Variants in WNT11 observed in about 807,000 individuals in gnomAD.
WNT11 encodes the protein Wnt family member 11.
WNT11 carries 20 observed loss-of-function variants against 35.6 expected under a neutral mutation model. The observed-to-expected ratio is 0.56, with a 90% CI of 0.40 to 0.82. WNT11 has a LOEUF of 0.82. Ranked by LOEUF, WNT11 falls within the 40% of genes least tolerant of loss-of-function variation. WNT11 has a pLI of 0.00. For synonymous variants in WNT11, 200 were observed against 211.9 expected (o/e 0.94, Z 0.49); for missense variants, 459 against 504.4 (o/e 0.91, Z 0.86).
At chr11:76,206,610 G>A, upstream of WNT11, 1 of 1,135,710 alleles carries the variant, frequency 8.8e-7, no homozygotes, top group Non-Finnish European at 1.1e-6. Flanking sequence ...AGCGCGGCGG[G>A]CGTCCCCTCC....
Position 76,194,626 on chromosome 11 carries a change from T to G in WNT11, c.538A>C (p.Lys180Gln), listed in dbSNP as rs111345708. Reference protein sequence around the residue: ...KFSDAPMKVKKTGSQANKLMR... With the variant: ...KFSDAPMKVKQTGSQANKLMR... ...AGTTTATTGGCTTGGGATCCTGTTT[T>G]TTTCACCTTCATAGGAGCATCGGAA... Residue 180 changes from lysine (K) to glutamine (Q), a missense_variant, in exon 3 of 5, where the codon AAA becomes CAA. Lys to Gln is a moderately conservative substitution (Grantham distance 53). Transcript: ENST00000322563. The surrounding 1 kb of genome is among the most constrained non-coding windows in gnomAD (Gnocchi z 5.4). 1.9e-6 allele frequency: 3 copies of G among 1,550,608 alleles called. No homozygotes were observed. The highest frequency in any genetic ancestry group is 1.4e-5 in the African/African-American group (1 of 73,116).
At chr11:76,208,965 G>T (rs1202959386), upstream of WNT11, among the ~76,000 whole-genome samples, 1 of 152,194 alleles carries the variant, frequency 6.6e-6, no homozygotes, top group Non-Finnish European at 1.5e-5. Context: ...CCCGCCAGGG[G>T]GCGCTAAGCC....
In WNT11 at chr11:76,206,430, G is replaced by A; in HGVS notation, c.-23C>T. 2 of 1,482,958 alleles carry A rather than the reference G, an allele frequency of 1.3e-6. No individual in the cohort carries two copies. Among genetic ancestry groups the A allele is most frequent in the African/African-American group, 1.4e-5 (1 of 69,290 alleles). 91.9% of individuals were successfully genotyped at this position (1,482,958 alleles called of 1,614,324 possible). The stretch of plus-strand genomic sequence containing the variant: ...CATCGTCGCGCGGCGGGCGCGCCCG[G>A]GGTCACACCCAGGAGGAGCCGCGCC... On this transcript the variant is annotated 5_prime_UTR_variant, in exon 1 of 5. Coordinates refer to ENST00000322563, the MANE Select transcript of WNT11 (RefSeq NM_004626.3).
upstream of WNT11, among the ~76,000 whole-genome samples, chr11:76,209,050 G>A (rs75661678): frequency 1.3e-5 from 2 of 152,156 alleles, no homozygotes; most frequent in African/African-American, 2.4e-5. Flanking sequence ...CTGGGCCCCC[G>A]CTTCTCCGTC....
At chr11:76,209,794 C>T (rs1953532679), upstream of WNT11, among the ~76,000 whole-genome samples, 1 of 152,122 alleles carries the variant, frequency 6.6e-6, no homozygotes, top group Non-Finnish European at 1.5e-5. Flanking sequence ...CGAGGCACTT[C>T]AGCCCCGGGG....
At chr11:76,201,746 T>C (rs1953382664) in intron 1 of WNT11, among the ~76,000 whole-genome samples, 1 of 152,170 alleles carries the variant, frequency 6.6e-6, no homozygotes, top group African/African-American at 2.4e-5. Flanking sequence ...CACTGCCCCT[T>C]GCTCCACCTC....
At chr11:76,210,466 G>A (rs1953551911), upstream of WNT11, 4 of 985,322 alleles carry the variant, frequency 4.1e-6, no homozygotes, top group Non-Finnish European at 4.8e-6. Context: ...CGCGACCACT[G>A]CTCACCTCCC....
rs755001817 is a variant in WNT11 at position 76,194,750 on chromosome 11, G to A, written c.414C>T (p.Cys138=). The change falls in exon 3 of 5, where the codon TGC becomes TGT. Residue 138 remains cysteine, a synonymous_variant. Coordinates refer to ENST00000322563, the MANE Select transcript of WNT11 (RefSeq NM_004626.3). The surrounding 1 kb of genome is among the most constrained non-coding windows in gnomAD (Gnocchi z 5.4). ...GCTCACCTGGGACGGGGCCGCAGGA[G>A]CAGCCGGGCAGGTCGCCGGAGGTGC... ...RACTSGDLPG[C]SCGPVPGEPP... 6.4e-6 allele frequency: 10 copies of A among 1,552,406 alleles called. No individual in the cohort carries two copies. The South Asian group carries it at 9.5e-5, about 15-fold the overall frequency.
chr11:76,202,204 C>T (rs1173437875), intron 1 of WNT11, among the ~76,000 whole-genome samples: 7 of 152,118 alleles, frequency 4.6e-5, no homozygotes, highest in African/African-American at 1.7e-4. Flanking sequence ...CAGCTGCCCA[C>T]CCAGGGAGAG....
At chr11:76,195,023 G>T in intron 2 of WNT11, 179 bp from the exon 3 acceptor site, 2 of 764,402 alleles carry the variant, frequency 2.6e-6, no homozygotes, top group Non-Finnish European at 4.0e-6. Flanking sequence ...TATACCAGCT[G>T]ACAGCCACAC....
chr11:76,196,797 C>T, intron 1 of WNT11, 79 bp from the exon 2 acceptor site: 1 of 1,443,016 alleles, frequency 6.9e-7, no homozygotes, highest in South Asian at 1.3e-5. Flanking sequence ...ACCCGCCCTT[C>T]TGGCCCCAGC....
Position 76,186,668 on chromosome 11 carries a change from C to CG in WNT11, c.*396_*397insC, listed in dbSNP as rs1953097825. ...GTGGTGGGCCCAGCAGGCTCAGACC[C>CG]CAGGGTGGGCCAGGGGGTCCCGCAG... On this transcript the variant is annotated 3_prime_UTR_variant, in exon 5 of 5. Transcript: ENST00000322563. 2.8e-6 allele frequency: 1 copy of CG among 351,866 alleles called. No homozygotes were observed. Among genetic ancestry groups the CG allele is most frequent in the East Asian group, 7.3e-5 (1 of 13,736 alleles). 21.8% of individuals were successfully genotyped at this position (351,866 alleles called of 1,614,324 possible).
intron 1 of WNT11, among the ~76,000 whole-genome samples, chr11:76,202,159 G>A (rs1036794989): frequency 2.0e-5 from 3 of 152,170 alleles, no homozygotes; most frequent in African/African-American, 7.2e-5. Flanking sequence ...GCCTCAGAAG[G>A]TGCCCCCATC....
At chr11:76,201,236 G>A (rs771531868) in intron 1 of WNT11, among the ~76,000 whole-genome samples, 2 of 152,234 alleles carry the variant, frequency 1.3e-5, no homozygotes, top group South Asian at 4.1e-4. Context: ...CAGTGTGAAG[G>A]CCCAGGGGCC....
At chr11:76,205,558 A>T (rs1454935993) in intron 1 of WNT11, among the ~76,000 whole-genome samples, 2 of 152,122 alleles carry the variant, frequency 1.3e-5, no homozygotes, top group Non-Finnish European at 2.9e-5. Context: ...CTCCTCGGGC[A>T]CTTGGACACT....
At chr11:76,187,287 C>T in intron 4 of WNT11, 48 bp from the exon 5 acceptor site, 1 of 1,555,640 alleles carries the variant, frequency 6.4e-7, no homozygotes, top group Non-Finnish European at 8.7e-7. Context: ...GGTCACCACC[C>T]CACCAACACC....
rs538751464 is a variant in WNT11 at position 76,194,067 on chromosome 11, G to T, written c.597+500C>A. On this transcript the variant is annotated intron_variant, in intron 3 of 4. Coordinates refer to ENST00000322563, the MANE Select transcript of WNT11 (RefSeq NM_004626.3). This position sits in a 1 kb window ranked among gnomAD's most constrained non-coding sequence, Gnocchi z 5.4. ...CGGAGGAAACTGTTCTAGCAGCTTCGGTTGGTGTGGGTGGGAGTCCCCGTT... is the reference window on the plus strand; with the variant it reads ...CGGAGGAAACTGTTCTAGCAGCTTCTGTTGGTGTGGGTGGGAGTCCCCGTT... Among the ~76,000 whole-genome samples the T allele has an allele frequency of 3.9e-5, 6 of 152,056 alleles. No individual in the cohort carries two copies. Among genetic ancestry groups the T allele is most frequent in the African/African-American group, 1.4e-4 (6 of 41,474 alleles).
rs150847512 is a variant in WNT11, at chr11:76,194,383, C to T, written c.597+184G>A. On this transcript the variant is annotated intron_variant, in intron 3 of 4. Transcript: ENST00000322563. The surrounding 1 kb of genome is among the most constrained non-coding windows in gnomAD (Gnocchi z 5.4). ...CAGTGGACGCCTTGGAGGAGGAAAG[C>T]GACACAAGCCCCAAGCAGCTGGCGA... is the stretch of plus-strand genomic sequence containing the variant. Among the ~76,000 whole-genome samples the T allele has an allele frequency of 3.9e-5, 6 of 151,984 alleles. No individual in the cohort carries two copies. The highest frequency in any genetic ancestry group is 2.0e-4 in the East Asian group (1 of 5,120).
intron 3 of WNT11, among the ~76,000 whole-genome samples, chr11:76,192,596 T>G (rs1207337182): frequency 6.6e-6 from 1 of 152,274 alleles, no homozygotes; most frequent in Non-Finnish European, 1.5e-5. Flanking sequence ...AAAAGGGTTT[T>G]GTGAACCATA....
Sources: gnomAD v4.1 joint callset for allele counts (sites outside exome capture counted in the v4.1 genomes callset) on GRCh38, gnomAD v4.1.1 for gene constraint, Gnocchi (gnomAD v3.1) non-coding constraint, MANE v1.5 for transcripts, NCBI Gene and HGNC (gene_info 2026-07-23, HGNC 2026-07-21) for gene names.